Variants in CNTNAP2 observed in about 807,000 individuals in gnomAD.
CNTNAP2 encodes the protein contactin-associated protein-like 2.
Under a neutral mutation model 155.2 loss-of-function variants are expected in CNTNAP2, and 98 were observed. That is an observed-to-expected ratio of 0.63 (90% CI 0.54 to 0.75). CNTNAP2 has a LOEUF of 0.75. Among genes scored for constraint, CNTNAP2 ranks in the 30% least tolerant of loss-of-function variants. CNTNAP2 has a pLI of 0.00. For missense variants in CNTNAP2, 1,727 were observed against 1,688.1 expected (o/e 1.02, Z -0.40); for synonymous variants, 651 against 631.2 (o/e 1.03, Z -0.47).
chr7:147,598,291 C>T (rs1242166743), intron 12 of CNTNAP2, among the ~76,000 whole-genome samples: 2 of 151,928 alleles, frequency 1.3e-5, no homozygotes, highest in African/African-American at 4.8e-5. Context: ...GTTTTAAATC[C>T]CGCATGTATT....
intron 1 of CNTNAP2, among the ~76,000 whole-genome samples, chr7:146,208,495 T>C (rs1172406877): frequency 1.3e-5 from 2 of 152,008 alleles, no homozygotes; most frequent in African/African-American, 4.8e-5. Flanking sequence ...GATTTCTTGC[T>C]GATTAATAAA....
rs192328304 is a variant in CNTNAP2, at chr7:147,421,477, A to G, written c.1670+25697A>G. On this transcript the variant is annotated intron_variant, in intron 10 of 23. Coordinates refer to ENST00000361727, the MANE Select transcript of CNTNAP2 (RefSeq NM_014141.6). Reference sequence around the variant, plus strand: ...TTTTAAAATGTTAAAATACAAATACAATTAACTAATGTATTTATCCACATT... The same window carrying G: ...TTTTAAAATGTTAAAATACAAATACGATTAACTAATGTATTTATCCACATT... 7.9e-5 allele frequency among the ~76,000 whole-genome samples: 12 copies of G among 152,076 alleles called. No homozygotes were observed. In the East Asian group the frequency reaches 2.3e-3, roughly 29 times the overall value.
chr7:147,406,473 A>G (rs748448426), intron 10 of CNTNAP2, among the ~76,000 whole-genome samples: 1 of 152,230 alleles, frequency 6.6e-6, no homozygotes, highest in Non-Finnish European at 1.5e-5. Context: ...TTGTTTGATT[A>G]AAAACACATA....
At chr7:146,653,191 C>T (rs572830261) in intron 1 of CNTNAP2, among the ~76,000 whole-genome samples, 34 of 152,240 alleles carry the variant, frequency 2.2e-4, no homozygotes, top group African/African-American at 7.5e-4. Flanking sequence ...CTTAACTCCT[C>T]GAGTCACAGA....
intron 3 of CNTNAP2, among the ~76,000 whole-genome samples, chr7:146,894,768 A>T (rs559625327): frequency 6.6e-6 from 1 of 152,252 alleles, no homozygotes; most frequent in East Asian, 1.9e-4. Context: ...CATGTAGGTT[A>T]ACTTTACATT....
intron 3 of CNTNAP2, among the ~76,000 whole-genome samples, chr7:146,856,083 A>G (rs79783180): frequency 1.5e-5 from 1 of 66,080 alleles, no homozygotes; most frequent in South Asian, 3.0e-4. Flanking sequence ...ATGATGGTTA[A>G]TACAAAATTA....
chr7:147,426,247 C>T (rs2116518697), intron 10 of CNTNAP2, among the ~76,000 whole-genome samples: 1 of 151,242 alleles, frequency 6.6e-6, no homozygotes, highest in South Asian at 2.1e-4. Context: ...TTCATTGGTC[C>T]TAATTATCTT....
At chr7:146,191,969 A>G (rs1314447047) in intron 1 of CNTNAP2, among the ~76,000 whole-genome samples, 1 of 152,198 alleles carries the variant, frequency 6.6e-6, no homozygotes, top group East Asian at 1.9e-4. Flanking sequence ...TAAGAGATTA[A>G]AGTAAAGACA....
At chr7:148,125,655 C>CTGTGTGTG (rs763817928) in intron 16 of CNTNAP2, among the ~76,000 whole-genome samples, 147 of 136,376 alleles carry the variant, frequency 1.1e-3, no homozygotes, top group African/African-American at 1.5e-3. Context: ...TATTATAAAA[C>CTGTGTGTG]TGTGTGTGTG....
chr7:146,594,895 T>C (rs1798836187), intron 1 of CNTNAP2, among the ~76,000 whole-genome samples: 1 of 152,122 alleles, frequency 6.6e-6, no homozygotes, highest in South Asian at 2.1e-4. Context: ...GACAGATGCC[T>C]AATTACCAAC....
At chr7:146,117,227 C>T (rs1022348114) in intron 1 of CNTNAP2, 9 of 539,206 alleles carry the variant, frequency 1.7e-5, no homozygotes, top group African/African-American at 1.5e-4. Context: ...TTGGCAAGAG[C>T]TTGGCTAGAG....
At chr7:148,334,682 G>T (rs1029241282) in intron 21 of CNTNAP2, among the ~76,000 whole-genome samples, 1 of 152,172 alleles carries the variant, frequency 6.6e-6, no homozygotes, top group African/African-American at 2.4e-5. Flanking sequence ...ACCAGGGCCT[G>T]CACACCTTTG....
At chr7:147,661,555 CTTT>C (rs71937773) in intron 13 of CNTNAP2, among the ~76,000 whole-genome samples, 6,456 of 139,558 alleles carry the variant, frequency 0.046, 474 homozygotes, top group African/African-American at 0.16. Context: ...TCTTCTTCTT[CTTT>C]TTTTTTTTTT....
chr7:147,586,131 A>G (rs1368176314), intron 12 of CNTNAP2, among the ~76,000 whole-genome samples: 1 of 152,202 alleles, frequency 6.6e-6, no homozygotes, highest in Non-Finnish European at 1.5e-5. Context: ...AAAGAGTTTA[A>G]TTATGGTCTA....
At chr7:147,531,656 G>A (rs1365241631) in intron 11 of CNTNAP2, among the ~76,000 whole-genome samples, 1 of 152,190 alleles carries the variant, frequency 6.6e-6, no homozygotes, top group Non-Finnish European at 1.5e-5. Context: ...GGGCCTCCAG[G>A]CCTGTGATGG....
chr7:148,070,363 C>G (rs2116528418), intron 15 of CNTNAP2, among the ~76,000 whole-genome samples: 1 of 152,264 alleles, frequency 6.6e-6, no homozygotes, highest in South Asian at 2.1e-4. Flanking sequence ...AAAAGCAAAC[C>G]TCTGTTAATA....
chr7:148,111,841 A>G (rs1487947951), intron 15 of CNTNAP2, among the ~76,000 whole-genome samples: 1 of 152,222 alleles, frequency 6.6e-6, no homozygotes. Flanking sequence ...ACATGGGTTT[A>G]GAAAGTTAAC....
At position 147,711,752 on chromosome 7, in the gene CNTNAP2, C is replaced by T. The variant is rs1470456586; in HGVS notation, c.2098+72446C>T. On this transcript the variant is annotated intron_variant, in intron 13 of 23. Coordinates refer to ENST00000361727, the MANE Select transcript of CNTNAP2 (RefSeq NM_014141.6). ...TAACACAGGATGTCTATTATTAAGA[C>T]AATCAGCTAAGATGTCAATTCAAAA... Among the ~76,000 whole-genome samples the T allele has an allele frequency of 2.0e-5, 3 of 152,142 alleles. No individual in the cohort carries two copies. The East Asian group carries it at 5.8e-4, about 29-fold the overall frequency.
At chr7:146,831,175 A>C (rs1026577158) in intron 2 of CNTNAP2, among the ~76,000 whole-genome samples, 1 of 152,230 alleles carries the variant, frequency 6.6e-6, no homozygotes, top group East Asian at 1.9e-4. Context: ...TACAACTCAC[A>C]TGCTAGACTT....
Sources: allele counts gnomAD v4.1 joint callset (sites outside exome capture counted in the v4.1 genomes callset), GRCh38; gene constraint gnomAD v4.1.1; transcripts MANE v1.5; gene names NCBI Gene and HGNC (gene_info 2026-07-23, HGNC 2026-07-21).